The following RALGDS variants were observed in gnomAD, a reference collection of about 807,000 sequenced individuals.
RALGDS encodes the protein ral guanine nucleotide dissociation stimulator.
Under a neutral mutation model 99.8 loss-of-function variants are expected in RALGDS, and 44 were observed. The observed-to-expected ratio is 0.44, with a 90% CI of 0.35 to 0.57. RALGDS has a LOEUF of 0.57. Ranked by LOEUF, RALGDS falls within the 20% of genes least tolerant of loss-of-function variation. The pLI, the probability that RALGDS is intolerant of heterozygous loss-of-function variation, is 0.01. For synonymous variants in RALGDS, 529 were observed against 505.0 expected (o/e 1.05, Z -0.64); for missense variants, 1,022 against 1,203.1 (o/e 0.85, Z 2.23).
chr9:133,129,146 G>A, intron 1 of RALGDS: 1 of 1,593,856 alleles, frequency 6.3e-7, no homozygotes, highest in Non-Finnish European at 8.5e-7. Flanking sequence ...CACCTCGGTG[G>A]TGGCCGGTGC....
chr9:133,125,684 C>A (rs191536210), upstream of RALGDS, among the ~76,000 whole-genome samples: 1 of 152,016 alleles, frequency 6.6e-6, no homozygotes, highest in Non-Finnish European at 1.5e-5. Context: ...TGCAGTGAGC[C>A]GAGATTGCAC....
At chr9:133,101,359 T>C in intron 16 of RALGDS, 161 bp downstream of exon 16, 3 of 1,523,736 alleles carry the variant, frequency 2.0e-6, no homozygotes, top group Non-Finnish European at 2.7e-6. Flanking sequence ...CAGGCCAGCC[T>C]TGTCCCTGAT....
chr9:133,128,230 C>A (rs1389902467), intron 1 of RALGDS, among the ~76,000 whole-genome samples: 1 of 151,766 alleles, frequency 6.6e-6, no homozygotes, highest in Non-Finnish European at 1.5e-5. Flanking sequence ...TAGAGGGAAA[C>A]TGAACCCAAG....
Position 133,102,787 on chromosome 9 carries a change from C to A in RALGDS, c.1905G>T (p.Glu635Asp), listed in dbSNP as rs1326071101. The part of the protein sequence containing the change: ...AWFRAVERLS[E>D]TESYNLSCEL... ...TGCTGCCCCGGCCTCACCTCTCAGT[C>A]TCGCTGAGCCGCTCCACGGCCCGGA... The change falls in exon 13 of 18, where the codon GAG (glutamate) becomes GAT (aspartate). Residue 635 changes from glutamate to aspartate, a missense_variant. Around this residue, in one of 3 missense-constraint regions of RALGDS, gnomAD observed 825 missense variants for 994.5 expected, o/e 0.83. Transcript: ENST00000372050. 2 of 1,612,410 alleles carry A rather than the reference C, an allele frequency of 1.2e-6. No homozygotes were observed.
At chr9:133,103,100 AC>A in intron 12 of RALGDS, 129 bp downstream of exon 12, 1 of 1,405,640 alleles carries the variant, frequency 7.1e-7, no homozygotes, top group Non-Finnish European at 9.9e-7. Context: ...GTGGGAGGGG[AC>A]CCCCTTCTCT....
In RALGDS at chr9:133,108,418, G is replaced by A. The variant is rs1453801157; in HGVS notation, c.779-12C>T. 2 of 1,534,816 alleles carry A rather than the reference G, an allele frequency of 1.3e-6. No individual in the cohort carries two copies. The highest frequency in any genetic ancestry group is 1.2e-5 in the South Asian group (1 of 83,812). On this transcript the variant is annotated splice_polypyrimidine_tract_variant and intron_variant, in intron 5 of 17. Coordinates refer to ENST00000372050, the MANE Select transcript of RALGDS (RefSeq NM_006266.4). ...CACTGGTGACAGAGCTGCAAGAGGA[G>A]AAAAGTTCAACAACATGCCAGCCTT...
rs1830780940 is a variant in RALGDS at position 133,101,985 on chromosome 9, T to C, written c.2164A>G (p.Ile722Val). The change falls in exon 15 of 18, where the codon ATC becomes GTC. Residue 722 changes from isoleucine to valine, a missense_variant. Physicochemically the swap from Ile to Val is conservative, Grantham distance 29. Coordinates refer to ENST00000372050, the MANE Select transcript of RALGDS (RefSeq NM_006266.4). ...GACTCCGGGACGAAGCTGATGTTGA[T>C]CTCCTCCACGTCGGAGCTAGAGGAG... ...AGSSSSDVEE[I>V]NISFVPESPD... 4.5e-6 allele frequency: 7 copies of C among 1,551,858 alleles called. No homozygotes were observed. The highest frequency in any genetic ancestry group is 6.1e-6 in the Non-Finnish European group (7 of 1,147,290).
upstream of RALGDS, among the ~76,000 whole-genome samples, chr9:133,123,991 C>T (rs13292214): frequency 0.11 from 11,213 of 102,472 alleles, 867 homozygotes; most frequent in South Asian, 0.14. Context: ...GACACAGACA[C>T]ACACACACAC....
chr9:133,123,394 G>A (rs1011691091), upstream of RALGDS, among the ~76,000 whole-genome samples: 2 of 152,180 alleles, frequency 1.3e-5, no homozygotes, highest in African/African-American at 4.8e-5. Flanking sequence ...CCACTATTCT[G>A]GCCTTGAAGG....
chr9:133,137,052 C>T (rs551726811), intron 1 of RALGDS, among the ~76,000 whole-genome samples: 6 of 152,216 alleles, frequency 3.9e-5, no homozygotes, highest in East Asian at 1.9e-4. Context: ...CTGGCCAACA[C>T]GGTAAAACCC....
rs748645363 is a variant in RALGDS, at chr9:133,102,106, A to G, written c.2043T>C (p.Ser681=). Residue 681 remains serine, a synonymous_variant, in exon 15 of 18, where the codon AGT becomes AGC. Transcript: ENST00000372050. ...CACAGGACTTGGAGTGGGAGCTGCC[A>G]CTGGTACTGAGCTCAGTGCTGGGGG... ...RQAPSTELST[S]GSSHSKSCDQ... 6.4e-7 allele frequency: 1 copy of G among 1,574,650 alleles called. No individual in the cohort carries two copies. Among genetic ancestry groups the G allele is most frequent in the Non-Finnish European group, 8.6e-7 (1 of 1,159,456 alleles).
At chr9:133,146,705 C>T (rs1474158208) in intron 1 of RALGDS, among the ~76,000 whole-genome samples, 1 of 152,228 alleles carries the variant, frequency 6.6e-6, no homozygotes, top group Non-Finnish European at 1.5e-5. Context: ...AAAACTATGA[C>T]TTCTGTCTTG....
At chr9:133,121,688 T>C (rs1037209712), upstream of RALGDS, among the ~76,000 whole-genome samples, 1 of 152,222 alleles carries the variant, frequency 6.6e-6, no homozygotes, top group Non-Finnish European at 1.5e-5. Flanking sequence ...TTAACCCCTC[T>C]GAGCCTCACT....
chr9:133,138,713 C>T (rs1443985091), intron 1 of RALGDS, among the ~76,000 whole-genome samples: 2 of 152,202 alleles, frequency 1.3e-5, no homozygotes, highest in Non-Finnish European at 2.9e-5. Context: ...CGGCTCGCTG[C>T]AACCTCTGCC....
At chr9:133,137,694 G>A (rs1268755207) in intron 1 of RALGDS, among the ~76,000 whole-genome samples, 1 of 152,218 alleles carries the variant, frequency 6.6e-6, no homozygotes, top group Non-Finnish European at 1.5e-5. Flanking sequence ...GGGCCCTGGA[G>A]TTTCCCAGAA....
chr9:133,134,360 C>T (rs766648615), upstream of RALGDS, among the ~76,000 whole-genome samples: 1 of 152,248 alleles, frequency 6.6e-6, no homozygotes, highest in Non-Finnish European at 1.5e-5. Context: ...GACACCCCTT[C>T]GTACCCTAGA....
intron 16 of RALGDS, chr9:133,100,649 C>A: frequency 7.4e-7 from 1 of 1,349,414 alleles, no homozygotes; most frequent in East Asian, 3.1e-5. Flanking sequence ...CTGTAAGAGA[C>A]TGTTCCCTCC....
upstream of RALGDS, among the ~76,000 whole-genome samples, chr9:133,123,290 T>G (rs1832013006): frequency 6.6e-6 from 1 of 152,186 alleles, no homozygotes; most frequent in Non-Finnish European, 1.5e-5. Flanking sequence ...TCTGCTCTCT[T>G]TATCTCCTTC....
At chr9:133,146,177 T>A (rs1192817910) in intron 1 of RALGDS, among the ~76,000 whole-genome samples, 1 of 143,106 alleles carries the variant, frequency 7.0e-6, no homozygotes, top group Non-Finnish European at 1.6e-5. Flanking sequence ...CCCATGATGT[T>A]TGTTTGTTTG....
Sources: gnomAD v4.1 joint callset for allele counts (sites outside exome capture counted in the v4.1 genomes callset) on GRCh38, gnomAD v4.1.1 for gene constraint, gnomAD v4.1.1 regional missense constraint, MANE v1.5 for transcripts, NCBI Gene and HGNC (gene_info 2026-07-23, HGNC 2026-07-21) for gene names.